KLKB1: variants seen among roughly 807,000 people sequenced by gnomAD.
KLKB1 encodes kallikrein B1.
KLKB1 carries 58 observed loss-of-function variants against 73.6 expected under a neutral mutation model. That is an observed-to-expected ratio of 0.79 (90% CI 0.64 to 0.98). The LOEUF is 0.98. Among genes scored for constraint, KLKB1 ranks in the 50% least tolerant of loss-of-function variants. KLKB1 has a pLI of 0.00. For missense variants in KLKB1, 737 were observed against 763.8 expected, an observed-to-expected ratio of 0.96 and a Z score of 0.41; for synonymous variants, 280 against 258.1, an observed-to-expected ratio of 1.08 and a Z score of -0.81.
chr4:186,225,209 C>T (rs1737127787), upstream of KLKB1, among the ~76,000 whole-genome samples: 2 of 152,100 alleles, frequency 1.3e-5, no homozygotes, highest in South Asian at 4.1e-4. Context: ...CTTTTTGTCT[C>T]CTTCCTTTCT....
chr4:186,237,938 A>T (rs761603880), intron 5 of KLKB1, among the ~76,000 whole-genome samples: 32 of 152,078 alleles, frequency 2.1e-4, no homozygotes, highest in Middle Eastern at 3.4e-3. Flanking sequence ...CATTTTCTGA[A>T]GTCTGTGTCA....
intron 2 of KLKB1, among the ~76,000 whole-genome samples, chr4:186,216,877 A>G (rs1028609406): frequency 6.6e-6 from 1 of 152,136 alleles, no homozygotes; most frequent in East Asian, 1.9e-4. Context: ...ATGTAATAAG[A>G]TTTGGCCCAC....
At chr4:186,229,372 C>T (rs1160149396) in intron 2 of KLKB1, among the ~76,000 whole-genome samples, 1 of 152,128 alleles carries the variant, frequency 6.6e-6, no homozygotes, top group Non-Finnish European at 1.5e-5. Flanking sequence ...TCTACATATA[C>T]CTATTTGCAC....
upstream of KLKB1, among the ~76,000 whole-genome samples, chr4:186,222,632 T>C (rs1237565929): frequency 6.6e-6 from 1 of 152,262 alleles, no homozygotes; most frequent in East Asian, 1.9e-4. Context: ...TAGTTATAGT[T>C]ATTTGTTAAT....
upstream of KLKB1, among the ~76,000 whole-genome samples, chr4:186,221,951 T>C (rs1389841052): frequency 6.6e-6 from 1 of 152,222 alleles, no homozygotes. Context: ...TGATTTTGGG[T>C]ACATGTGTAT....
In KLKB1 at chr4:186,251,862, G is replaced by T. The variant is rs1286062150; in HGVS notation, c.1144+1G>T. ...TTGTGTAACACTGGGGACAACTCTG[G>T]TGAGTAACCTCACTTTTTCGTGGAC... On this transcript the variant is annotated splice_donor_variant, in intron 10 of 14. Transcript: ENST00000264690. LOFTEE classifies it high-confidence loss of function. 1 of 1,609,810 alleles carries T rather than the reference G, an allele frequency of 6.2e-7. No homozygotes were observed. Among genetic ancestry groups the T allele is most frequent in the Non-Finnish European group, 8.5e-7 (1 of 1,176,560 alleles).
chr4:186,215,203 G>T (rs1736857694), intron 2 of KLKB1, among the ~76,000 whole-genome samples: 1 of 150,034 alleles, frequency 6.7e-6, no homozygotes, highest in African/African-American at 2.5e-5. Flanking sequence ...TTTACTTTCA[G>T]ATTCCATATA....
intron 6 of KLKB1, among the ~76,000 whole-genome samples, chr4:186,247,498 C>T (rs1445538537): frequency 6.6e-6 from 1 of 152,102 alleles, no homozygotes; most frequent in Admixed American, 6.5e-5. Flanking sequence ...AAGGCAGGAA[C>T]CGGCCATTTT....
At chr4:186,238,048 G>T (rs917729727) in intron 5 of KLKB1, among the ~76,000 whole-genome samples, 8 of 152,102 alleles carry the variant, frequency 5.3e-5, no homozygotes, top group Non-Finnish European at 1.0e-4. Context: ...TAGTGTCACG[G>T]AGTCTCCTGC....
chr4:186,258,088 G>T lies in KLKB1; in HGVS notation c.1793G>T (p.Trp598Leu). The T allele has an allele frequency of 6.2e-7, 1 of 1,614,090 alleles. No individual in the cohort carries two copies. Among genetic ancestry groups the T allele is most frequent in the Non-Finnish European group, 8.5e-7 (1 of 1,179,946 alleles). ...TGGCGTTTGGTGGGCATCACCAGCT[G>T]GGGTGAAGGCTGTGCCCGCAGGGAG... Reference protein sequence around the residue: ...GMWRLVGITSWGEGCARREQP... With the variant: ...GMWRLVGITSLGEGCARREQP... Residue 598 changes from tryptophan to leucine, a missense_variant, in exon 15 of 15, where the codon TGG becomes TTG. Trp to Leu is a moderately conservative substitution (Grantham distance 61). Coordinates refer to ENST00000264690, the MANE Select transcript of KLKB1 (RefSeq NM_000892.5).
intron 4 of KLKB1, among the ~76,000 whole-genome samples, chr4:186,236,133 A>G: frequency 7.7e-6 from 1 of 129,742 alleles, no homozygotes; most frequent in East Asian, 2.7e-4. Context: ...AAAAAAAAAA[A>G]GAGCCTAATT....
In KLKB1 at chr4:186,254,573, A is replaced by G; in HGVS notation, c.1314-15A>G. On this transcript the variant is annotated splice_polypyrimidine_tract_variant and intron_variant, in intron 11 of 14. Transcript: ENST00000264690. ...ACTGCCCAGTTTCAAACAGGTATTTATTTTTCTCTCCTAGGCTTCCCCTGC... is the reference window on the plus strand; with the variant it reads ...ACTGCCCAGTTTCAAACAGGTATTTGTTTTTCTCTCCTAGGCTTCCCCTGC... 2 of 1,611,188 alleles carry G rather than the reference A, an allele frequency of 1.2e-6. No individual in the cohort carries two copies. Among genetic ancestry groups the G allele is most frequent in the East Asian group, 2.2e-5 (1 of 44,858 alleles).
chr4:186,241,751 A>G (rs969938418), intron 6 of KLKB1, among the ~76,000 whole-genome samples: 1 of 152,226 alleles, frequency 6.6e-6, no homozygotes, highest in Non-Finnish European at 1.5e-5. Flanking sequence ...GCTGGTTGAT[A>G]AAATTGCAAT....
intron 6 of KLKB1, among the ~76,000 whole-genome samples, chr4:186,245,823 GGTTTTTT>G (rs1738311801): frequency 4.1e-5 from 2 of 48,602 alleles, no homozygotes; most frequent in Non-Finnish European, 1.2e-4. Flanking sequence ...TTTGTTTTTT[GGTTTTTT>G]TTTTTTAATG....
At chr4:186,229,012 G>C (rs570907460) in intron 2 of KLKB1, 34 of 152,124 alleles carry the variant, frequency 2.2e-4, no homozygotes, top group African/African-American at 8.0e-4. Context: ...TTCATAAAGA[G>C]ACCTTTTTTT....
At chr4:186,216,568 G>C (rs1348127307) in intron 2 of KLKB1, among the ~76,000 whole-genome samples, 2 of 152,186 alleles carry the variant, frequency 1.3e-5, no homozygotes, top group Non-Finnish European at 2.9e-5. Flanking sequence ...TGGGGATCTG[G>C]GACAAGGGGA....
At chr4:186,242,469 C>A (rs1183060015) in intron 6 of KLKB1, among the ~76,000 whole-genome samples, 1 of 151,938 alleles carries the variant, frequency 6.6e-6, no homozygotes. Context: ...GCGTGGGAAC[C>A]TACAGTGGGA....
At chr4:186,214,767 A>G (rs1270554592) in intron 2 of KLKB1, among the ~76,000 whole-genome samples, 1 of 152,200 alleles carries the variant, frequency 6.6e-6, no homozygotes, top group Admixed American at 6.5e-5. Context: ...ATCTCTAATT[A>G]CTAAAATGGA....
chr4:186,215,191 A>G (rs1232376731), intron 2 of KLKB1, among the ~76,000 whole-genome samples: 1 of 151,754 alleles, frequency 6.6e-6, no homozygotes, highest in African/African-American at 2.4e-5. Flanking sequence ...AAATGTTTTC[A>G]GTTTACTTTC....
Sources: gnomAD v4.1 joint callset for allele counts (sites outside exome capture counted in the v4.1 genomes callset) on GRCh38, gnomAD v4.1.1 for gene constraint, MANE v1.5 for transcripts, NCBI Gene and HGNC (gene_info 2026-07-23, HGNC 2026-07-21) for gene names.